KDM4B: variants seen among roughly 807,000 people sequenced by gnomAD.
KDM4B encodes the protein lysine-specific demethylase 4B.
Under a neutral mutation model 125.2 loss-of-function variants are expected in KDM4B, and 32 were observed. The observed-to-expected ratio is 0.26, with a 90% CI of 0.19 to 0.34. The LOEUF (loss-of-function observed/expected upper bound fraction) is 0.34, where lower values mean the gene tolerates loss of function less well. KDM4B is among the 10% of genes least tolerant of loss of function. The pLI, the probability that KDM4B is intolerant of heterozygous loss-of-function variation, is 1.00. For synonymous variants in KDM4B, 721 were observed against 677.9 expected (o/e 1.06, Z -0.99); for missense variants, 1,190 against 1,577.7 (o/e 0.75, Z 4.16).
intron 10 of KDM4B, chr19:5,113,792 A>G (rs1568305723): frequency 1.5e-6 from 1 of 688,650 alleles, no homozygotes; most frequent in East Asian, 1.3e-4. Flanking sequence ...AGACCAAGGG[A>G]TGGCATCAGG....
intron 15 of KDM4B, 70 bp from the exon 16 acceptor site, chr19:5,137,192 C>A (rs553825973): frequency 1.2e-5 from 14 of 1,160,814 alleles, no homozygotes; most frequent in Non-Finnish European, 1.6e-5. Context: ...GGCCCCTCCC[C>A]CTGAGTTTCA....
At chr19:5,021,861 G>T (rs1368621575) in intron 2 of KDM4B, among the ~76,000 whole-genome samples, 2 of 152,074 alleles carry the variant, frequency 1.3e-5, no homozygotes. Context: ...GTCTTGATCT[G>T]TTGACCTCGT....
intron 10 of KDM4B, chr19:5,111,239 C>G: frequency 1.6e-6 from 1 of 624,906 alleles, no homozygotes; most frequent in East Asian, 2.7e-5. Context: ...GGGCCCCTCC[C>G]TGGCGCTGAG....
chr19:5,105,066 A>G (rs759995), intron 9 of KDM4B, among the ~76,000 whole-genome samples: 151,082 of 152,324 alleles, frequency 0.99, 74,936 homozygotes, highest in East Asian at 1. Flanking sequence ...CTGAGGTGCA[A>G]ATGGCCCCGC....
chr19:5,034,407 C>T (rs2145627989), intron 3 of KDM4B, among the ~76,000 whole-genome samples: 1 of 152,370 alleles, frequency 6.6e-6, no homozygotes, highest in Middle Eastern at 3.4e-3. Context: ...GAAAGAGCAA[C>T]CAGACGCCGT....
chr19:4,994,414 A>G (rs1332915474), intron 1 of KDM4B, among the ~76,000 whole-genome samples: 3 of 151,898 alleles, frequency 2.0e-5, no homozygotes, highest in Non-Finnish European at 4.4e-5. Context: ...TCTACTAAAA[A>G]TACACATGCG....
chr19:4,977,224 C>T (rs550233908), intron 1 of KDM4B, among the ~76,000 whole-genome samples: 112 of 152,268 alleles, frequency 7.4e-4, no homozygotes, highest in African/African-American at 2.6e-3. Context: ...GGTGGCCGAG[C>T]GCGAAGTTGC....
At chr19:5,012,115 C>CCAGAT in intron 1 of KDM4B, among the ~76,000 whole-genome samples, 1 of 152,170 alleles carries the variant, frequency 6.6e-6, no homozygotes, top group Non-Finnish European at 1.5e-5. Flanking sequence ...CAGTTCTATT[C>CCAGAT]CTAGTGCCCA....
rs539812823 is a variant in KDM4B, at chr19:5,105,759, C to T, written c.919-4863C>T. Among the ~76,000 whole-genome samples the T allele has an allele frequency of 4.6e-5, 7 of 152,330 alleles. 1 individual carries two copies. The East Asian group carries it at 1.4e-3, about 29-fold the overall frequency. On this transcript the variant is annotated intron_variant, in intron 9 of 22. Transcript: ENST00000159111. ...CCAGCCCAAACTTATTGTAAAGGAC[C>T]TGATAGTGACTGTTTGCAGCTTTAC...
chr19:5,126,905 C>T (rs2039459944), intron 11 of KDM4B, among the ~76,000 whole-genome samples: 2 of 151,958 alleles, frequency 1.3e-5, no homozygotes, highest in Admixed American at 1.3e-4. Flanking sequence ...TTGATCTCGG[C>T]AGCCTCGGAG....
chr19:5,068,735 C>T (rs537804226), intron 6 of KDM4B, among the ~76,000 whole-genome samples: 3 of 152,326 alleles, frequency 2.0e-5, no homozygotes, highest in Admixed American at 1.3e-4. Flanking sequence ...GCCTCTTGTC[C>T]AAGAGTCCTT....
chr19:4,976,290 C>G (rs528976292), intron 1 of KDM4B, among the ~76,000 whole-genome samples: 2 of 151,342 alleles, frequency 1.3e-5, no homozygotes, highest in East Asian at 3.9e-4. Context: ...TTTCAAGGAT[C>G]CTTAAAACTG....
chr19:5,041,277 CAG>C, intron 5 of KDM4B, 26 bp downstream of exon 5: 1 of 1,559,562 alleles, frequency 6.4e-7, no homozygotes, highest in Non-Finnish European at 8.8e-7. Flanking sequence ...CGGGGAAGAA[CAG>C]GGACCAGCTT....
intron 1 of KDM4B, among the ~76,000 whole-genome samples, chr19:5,011,316 GCTTGGAAGTAGGA>G (rs752264657): frequency 2.6e-5 from 4 of 152,322 alleles, no homozygotes; most frequent in Middle Eastern, 3.4e-3. Context: ...TGCTGACAGG[GCTTGGAAGTAGGA>G]ACGCTAACCC....
At chr19:5,031,275 G>C (rs1369849440) in intron 2 of KDM4B, among the ~76,000 whole-genome samples, 1 of 152,262 alleles carries the variant, frequency 6.6e-6, no homozygotes, top group East Asian at 1.9e-4. Flanking sequence ...TGGCCTGGGA[G>C]GCCCCGCGCA....
chr19:5,145,936 G>T (rs939043758), intron 21 of KDM4B, among the ~76,000 whole-genome samples: 2 of 152,188 alleles, frequency 1.3e-5, no homozygotes, highest in Admixed American at 1.3e-4. Context: ...CCCTGCGATG[G>T]TCCCGAGGCC....
At chr19:5,056,711 C>G (rs1216063584) in intron 6 of KDM4B, among the ~76,000 whole-genome samples, 1 of 152,150 alleles carries the variant, frequency 6.6e-6, no homozygotes, top group Non-Finnish European at 1.5e-5. Flanking sequence ...CAGCCACCTC[C>G]CTTTCTTAAG....
At chr19:5,144,200 C>A (rs372464369) in intron 19 of KDM4B, 48 bp downstream of exon 19, 1 of 1,585,110 alleles carries the variant, frequency 6.3e-7, no homozygotes, top group South Asian at 1.1e-5. Context: ...CTCCCGCCCC[C>A]ACCGACACCC....
At chr19:4,996,572 C>T (rs940848032) in intron 1 of KDM4B, among the ~76,000 whole-genome samples, 6 of 151,472 alleles carry the variant, frequency 4.0e-5, no homozygotes, top group Non-Finnish European at 8.8e-5. Context: ...GACGCGGTCT[C>T]GCCATGTTGT....
Sources: gnomAD v4.1 joint callset for allele counts (sites outside exome capture counted in the v4.1 genomes callset) on GRCh38, gnomAD v4.1.1 for gene constraint, MANE v1.5 for transcripts, NCBI Gene and HGNC (gene_info 2026-07-23, HGNC 2026-07-21) for gene names.